The following MYO1E variants were observed in gnomAD, a reference collection of about 807,000 sequenced individuals.
MYO1E encodes the protein unconventional myosin-Ie.
Under a neutral mutation model 151.1 loss-of-function variants are expected in MYO1E, and 68 were observed. That is an observed-to-expected ratio of 0.45 (90% CI 0.37 to 0.55). The LOEUF (loss-of-function observed/expected upper bound fraction) is 0.55. MYO1E is among the 20% of genes least tolerant of loss of function. MYO1E has a pLI of 0.00. For missense variants in MYO1E, 1,363 were observed against 1,389.3 expected (o/e 0.98, Z 0.30); for synonymous variants, 601 against 501.7 (o/e 1.20, Z -2.64).
At position 59,372,563 on chromosome 15, in the gene MYO1E, G is replaced by A. The variant is rs2140449124; in HGVS notation, c.-63C>T. 3 of 1,530,566 alleles carry A rather than the reference G, an allele frequency of 2.0e-6. No individual in the cohort carries two copies. The highest frequency in any genetic ancestry group is 2.5e-5 in the East Asian group (1 of 40,394). The allele number at this position is 1,530,566 out of a possible 1,614,324, so 94.8% of individuals were successfully genotyped here. A position where few individuals can be genotyped will look rare whatever the true frequency, so the allele number is the denominator to read the frequency against. On this transcript the variant is annotated 5_prime_UTR_variant, in exon 1 of 28. Coordinates refer to ENST00000288235, the MANE Select transcript of MYO1E (RefSeq NM_004998.4). ...GCTGCCGGGGAACTGGGGCTGGAAC[G>A]CAGTCTTCTGGGCGAACTTCAAAAG...
chr15:59,351,492 C>T (rs1196581959), intron 1 of MYO1E, among the ~76,000 whole-genome samples: 2 of 151,958 alleles, frequency 1.3e-5, no homozygotes, highest in Non-Finnish European at 2.9e-5. Context: ...TAATTTAGAC[C>T]GTAATGCATT....
intron 1 of MYO1E, among the ~76,000 whole-genome samples, chr15:59,297,735 C>T (rs76530015): frequency 6.6e-6 from 1 of 151,908 alleles, no homozygotes; most frequent in African/African-American, 2.4e-5. Context: ...TGTGCACTAC[C>T]ATGCTTGGCT....
chr15:59,145,175 T>G (rs564977421), intron 26 of MYO1E, among the ~76,000 whole-genome samples: 2 of 152,162 alleles, frequency 1.3e-5, no homozygotes, highest in South Asian at 4.2e-4. Flanking sequence ...GCCAGAAATT[T>G]GATTAATGAG....
intron 18 of MYO1E, among the ~76,000 whole-genome samples, chr15:59,186,542 G>C (rs2079699121): frequency 6.6e-6 from 1 of 152,140 alleles, no homozygotes; most frequent in African/African-American, 2.4e-5. Flanking sequence ...GAGGTGGGAG[G>C]ATCACTTGAG....
chr15:59,292,321 A>G (rs189623659), intron 1 of MYO1E, among the ~76,000 whole-genome samples: 67 of 152,346 alleles, frequency 4.4e-4, no homozygotes, highest in African/African-American at 1.3e-3. Flanking sequence ...ACCTTTTCCT[A>G]CATGTGTTTC....
intron 1 of MYO1E, among the ~76,000 whole-genome samples, chr15:59,327,437 T>C (rs2080672039): frequency 6.6e-6 from 1 of 151,864 alleles, no homozygotes; most frequent in Admixed American, 6.6e-5. Context: ...GCCTCCTGAG[T>C]AGCTGGGACC....
At chr15:59,257,297 C>A (rs1450991498) in intron 3 of MYO1E, among the ~76,000 whole-genome samples, 1 of 151,894 alleles carries the variant, frequency 6.6e-6, no homozygotes, top group Non-Finnish European at 1.5e-5. Context: ...AGTCTAGTCT[C>A]CACACACACA....
At chr15:59,221,017 T>C (rs2079952349) in intron 9 of MYO1E, among the ~76,000 whole-genome samples, 2 of 145,018 alleles carry the variant, frequency 1.4e-5, no homozygotes. Context: ...ATAATATATA[T>C]ATAAAATTTA....
intron 1 of MYO1E, among the ~76,000 whole-genome samples, chr15:59,330,794 A>C (rs2080693606): frequency 1.3e-5 from 2 of 152,120 alleles, no homozygotes; most frequent in African/African-American, 2.4e-5. Context: ...TTTGAGACCG[A>C]GTCTTGCTCT....
intron 9 of MYO1E, among the ~76,000 whole-genome samples, chr15:59,218,880 A>G (rs1169649099): frequency 6.6e-6 from 1 of 152,230 alleles, no homozygotes; most frequent in African/African-American, 2.4e-5. Context: ...CATGATCAAG[A>G]CGAGACGGTC....
intron 4 of MYO1E, among the ~76,000 whole-genome samples, chr15:59,244,835 T>G (rs1218165653): frequency 6.6e-6 from 1 of 152,214 alleles, no homozygotes; most frequent in Non-Finnish European, 1.5e-5. Flanking sequence ...GCAAAGCAAG[T>G]ACTCGAAAAA....
intron 26 of MYO1E, among the ~76,000 whole-genome samples, chr15:59,144,189 C>T (rs981610091): frequency 1.3e-5 from 2 of 151,908 alleles, no homozygotes; most frequent in African/African-American, 4.8e-5. Flanking sequence ...TTTTTTGAGA[C>T]TGAGTCTCAC....
Position 59,319,550 on chromosome 15 carries a change from C to CTTTTTTTTTTTTTTTTTTTT in MYO1E, c.4-47121_4-47102dup, listed in dbSNP as rs59491381. 3.3e-4 allele frequency among the ~76,000 whole-genome samples: 21 copies of CTTTTTTTTTTTTTTTTTTTT among 63,716 alleles called. 1 individual carries two copies. Among genetic ancestry groups the CTTTTTTTTTTTTTTTTTTTT allele is most frequent in the African/African-American group, 5.8e-4 (13 of 22,404 alleles). The allele number at this position is 63,716 out of a possible 152,430, so 41.8% of individuals were successfully genotyped here. A position where few individuals can be genotyped will look rare whatever the true frequency, so the allele number is the denominator to read the frequency against. On this transcript the variant is annotated intron_variant, in intron 1 of 27. Coordinates refer to ENST00000288235, the MANE Select transcript of MYO1E (RefSeq NM_004998.4). ...AAGATAGGAAAAGAAGTCAAACTACCTTTTTTTTTTTTTTTTTTTTTTTTT... is the reference window on the plus strand; with the variant it reads ...AAGATAGGAAAAGAAGTCAAACTACCTTTTTTTTTTTTTTTTTTTTTTTTTTTTTTTTTTTTTTTTTTTTT...
chr15:59,193,064 A>ACATTCTAGTTCTTTGCTCTAGATCC (rs1555410000), intron 17 of MYO1E, among the ~76,000 whole-genome samples: 1 of 151,242 alleles, frequency 6.6e-6, no homozygotes, highest in African/African-American at 2.4e-5. Flanking sequence ...GCACCGGGAC[A>ACATTCTAGTTCTTTGCTCTAGATCC]CAGTCTAGTT....
intron 4 of MYO1E, among the ~76,000 whole-genome samples, chr15:59,241,455 G>C (rs1388460768): frequency 6.6e-6 from 1 of 152,236 alleles, no homozygotes; most frequent in Non-Finnish European, 1.5e-5. Context: ...ACTTTGGGAG[G>C]CCAAGGCGGG....
intron 26 of MYO1E, among the ~76,000 whole-genome samples, chr15:59,152,212 C>A (rs1348363527): frequency 6.6e-6 from 1 of 152,070 alleles, no homozygotes; most frequent in African/African-American, 2.4e-5. Context: ...GGCAACAGAG[C>A]GAGACCCTGT....
At position 59,173,645 on chromosome 15, in the gene MYO1E, C is replaced by T. The variant is rs765910122; in HGVS notation, c.2334+101G>A. Reference sequence around the variant, plus strand: ...GTATTTTCTCTAAATTTTTCTACAACGAACACATTCTGATTTGGTAACAAC... The same window carrying T: ...GTATTTTCTCTAAATTTTTCTACAATGAACACATTCTGATTTGGTAACAAC... On this transcript the variant is annotated intron_variant, in intron 21 of 27. Coordinates refer to ENST00000288235, the MANE Select transcript of MYO1E (RefSeq NM_004998.4). 4.3e-5 allele frequency: 62 copies of T among 1,458,746 alleles called. No homozygotes were observed. In the East Asian group the frequency reaches 5.2e-4, roughly 12 times the overall value. The allele number at this position is 1,458,746 out of a possible 1,614,324, so 90.4% of individuals were successfully genotyped here.
At position 59,137,172 on chromosome 15, in the gene MYO1E, G is replaced by A. The variant is rs1473698964; in HGVS notation, c.*208C>T. ...TTTTGTCCTCCTGGGTTCCTATGAA[G>A]AGGCTACCTTTTAGGATCACTTATG... On this transcript the variant is annotated 3_prime_UTR_variant, in exon 28 of 28. Coordinates refer to ENST00000288235, the MANE Select transcript of MYO1E (RefSeq NM_004998.4). The A allele has an allele frequency of 6.8e-6, 4 of 592,498 alleles. No homozygotes were observed. Among genetic ancestry groups the A allele is most frequent in the Non-Finnish European group, 1.2e-5 (4 of 331,228 alleles). 36.7% of individuals were successfully genotyped at this position (592,498 alleles called of 1,614,324 possible). A position where few individuals can be genotyped will look rare whatever the true frequency, so the allele number is the denominator to read the frequency against.
chr15:59,236,499 G>A, intron 5 of MYO1E, 86 bp downstream of exon 5: 1 of 1,173,828 alleles, frequency 8.5e-7, no homozygotes, highest in Non-Finnish European at 1.3e-6. Flanking sequence ...TCTTTTCTGT[G>A]GAAGAAAAAT....
Sources: allele counts gnomAD v4.1 joint callset (sites outside exome capture counted in the v4.1 genomes callset), GRCh38; gene constraint gnomAD v4.1.1; transcripts MANE v1.5; gene names NCBI Gene and HGNC (gene_info 2026-07-23, HGNC 2026-07-21).